ZNF519: variants seen among roughly 807,000 people sequenced by gnomAD.
ZNF519 encodes zinc finger protein 519, also known as similar to Zinc finger protein 85 (Zinc finger protein HPF4) (HTF1).
In ZNF519, 7 loss-of-function variants were observed where a neutral mutation model predicts 7.4. That is an observed-to-expected ratio of 0.94 (90% CI 0.54 to 1.77). The LOEUF is 1.77. ZNF519 is among the 40% of genes most tolerant of loss of function. ZNF519 has a pLI of 0.00. For synonymous variants in ZNF519, 179 were observed against 203.3 expected (o/e 0.88, Z 1.02); for missense variants, 586 against 623.1 (o/e 0.94, Z 0.63).
chr18:14,111,453 G>A (rs1474949532), intron 2 of ZNF519, among the ~76,000 whole-genome samples: 2 of 146,132 alleles, frequency 1.4e-5, no homozygotes, highest in African/African-American at 5.1e-5. Context: ...GTTGCAGTGA[G>A]CCAAGATCAA....
chr18:14,101,924 T>C lies in ZNF519; in HGVS notation c.*2993A>G, dbSNP rs1276113517. The C allele has an allele frequency of 2.5e-6, 1 of 394,648 alleles. No homozygotes were observed. Among genetic ancestry groups the C allele is most frequent in the Non-Finnish European group, 4.5e-6 (1 of 224,308 alleles). 24.4% of individuals were successfully genotyped at this position (394,648 alleles called of 1,614,324 possible). A position where few individuals can be genotyped will look rare whatever the true frequency, so the allele number is the denominator to read the frequency against. ...CCCTCTACTTTTTCTCCTAAATGCATGAAAGGCAGAGCTTTTCAACATGAA... is the reference window on the plus strand; with the variant it reads ...CCCTCTACTTTTTCTCCTAAATGCACGAAAGGCAGAGCTTTTCAACATGAA... On this transcript the variant is annotated 3_prime_UTR_variant, in exon 3 of 3. Transcript: ENST00000590202.
rs768899440 is a variant in ZNF519 at position 14,103,795 on chromosome 18, A to T, written c.*1122T>A. On this transcript the variant is annotated 3_prime_UTR_variant, in exon 3 of 3. Coordinates refer to ENST00000590202, the MANE Select transcript of ZNF519 (RefSeq NM_145287.4). The stretch of plus-strand genomic sequence containing the variant: ...TATATCATTACCATTTACTACCTGG[A>T]ATCTTGAGCAAGGTGGAATAAGTTA... 2 of 152,152 alleles carry T rather than the reference A, an allele frequency of 1.3e-5. No homozygotes were observed. Among genetic ancestry groups the T allele is most frequent in the Non-Finnish European group, 2.9e-5 (2 of 67,982 alleles). 9.4% of individuals were successfully genotyped at this position (152,152 alleles called of 1,614,324 possible). A position where few individuals can be genotyped will look rare whatever the true frequency, so the allele number is the denominator to read the frequency against.
At chr18:14,098,080 C>T (rs577551205), downstream of ZNF519, among the ~76,000 whole-genome samples, 21 of 152,126 alleles carry the variant, frequency 1.4e-4, no homozygotes, top group South Asian at 4.4e-3. Flanking sequence ...AGACCTGACC[C>T]CTATGGTCTC....
At position 14,105,605 on chromosome 18, in the gene ZNF519, C is replaced by A; in HGVS notation, c.935G>T (p.Arg312Ile). 6.2e-7 allele frequency: 1 copy of A among 1,613,932 alleles called. No homozygotes were observed. Among genetic ancestry groups the A allele is most frequent in the East Asian group, 2.2e-5 (1 of 44,880 alleles). The change falls in exon 3 of 3, where the codon AGA becomes ATA. Residue 312 changes from arginine to isoleucine, a missense_variant. Arg to Ile is a moderately conservative substitution (Grantham distance 97). Transcript: ENST00000590202. The stretch of plus-strand genomic sequence containing the variant: ...GAAAGGCTTCTCTCCAGTATGGATT[C>A]TCTGATGTTGAGCAAGGTGTGAACT... The part of the protein sequence containing the change: ...NKSSHLAQHQ[R>I]IHTGEKPFKC...
chr18:14,071,821 A>G (rs1243531233), downstream of ZNF519: 1 of 152,192 alleles, frequency 6.6e-6, no homozygotes, highest in East Asian at 1.9e-4. Flanking sequence ...TTATGGTGAA[A>G]TCAACAATAA....
chr18:14,129,275 G>A (rs1466041172), intron 1 of ZNF519, among the ~76,000 whole-genome samples: 2 of 152,192 alleles, frequency 1.3e-5, no homozygotes, highest in Non-Finnish European at 2.9e-5. Context: ...ACCTGTGTAT[G>A]TTCTTGGCAG....
intron 2 of ZNF519, among the ~76,000 whole-genome samples, chr18:14,112,760 G>C (rs1348429833): frequency 6.6e-6 from 1 of 152,066 alleles, no homozygotes; most frequent in Non-Finnish European, 1.5e-5. Flanking sequence ...ATAAAACATT[G>C]ATGCAAGAAA....
intron 2 of ZNF519, 172 bp downstream of exon 2, chr18:14,124,177 TA>T (rs199578474): frequency 0.19 from 72,661 of 388,660 alleles, 2 homozygotes; most frequent in South Asian, 0.25. Context: ...CTGTCTCAAT[TA>T]AAAAAAAAAA....
chr18:14,111,146 C>A, intron 2 of ZNF519, among the ~76,000 whole-genome samples: 1 of 90,976 alleles, frequency 1.1e-5, no homozygotes, highest in Admixed American at 1.2e-4. Context: ...TACAAAAGGT[C>A]AATAAAATGC....
chr18:14,111,659 G>A (rs1989929693), intron 2 of ZNF519, among the ~76,000 whole-genome samples: 1 of 152,020 alleles, frequency 6.6e-6, no homozygotes, highest in Admixed American at 6.6e-5. Flanking sequence ...TGAGCAGATA[G>A]ATGCCATAAA....
In ZNF519 at chr18:14,105,124, GC is replaced by G; in HGVS notation, c.1415del (p.Gly472AlafsTer65). 1 of 1,613,234 alleles carries G rather than the reference GC, an allele frequency of 6.2e-7. No homozygotes were observed. Among genetic ancestry groups the G allele is most frequent in the Middle Eastern group, 1.7e-4 (1 of 6,056 alleles). Reference protein sequence around the residue: ...CEECGKAFIWGSHLTQHQRVH... With the variant: ...CEECGKAFIWXSHLTQHQRVH... ...CTCTCTGATGTTGAGTAAGGTGTGA[GC>G]CCCAGATAAAAGCTTTGCCACATTC... On this transcript the variant is annotated frameshift_variant, in exon 3 of 3. Coordinates refer to ENST00000590202, the MANE Select transcript of ZNF519 (RefSeq NM_145287.4). LOFTEE classifies it low-confidence loss of function (END_TRUNC).
intron 3 of ZNF519, among the ~76,000 whole-genome samples, chr18:14,080,568 C>T (rs138699229): frequency 0.016 from 2,387 of 152,216 alleles, 65 homozygotes; most frequent in African/African-American, 0.055. Flanking sequence ...GATGCGCCCG[C>T]CTTGTTCTCC....
intron 2 of ZNF519, among the ~76,000 whole-genome samples, chr18:14,089,264 G>A (rs776984827): frequency 3.5e-4 from 54 of 152,194 alleles, no homozygotes; most frequent in Admixed American, 1.6e-3. Flanking sequence ...TAAGATAAAT[G>A]AAACTAGACT....
downstream of ZNF519, among the ~76,000 whole-genome samples, chr18:14,097,642 G>C (rs950020696): frequency 8.5e-5 from 13 of 152,186 alleles, no homozygotes; most frequent in African/African-American, 2.7e-4. Flanking sequence ...AAGGGGCTTG[G>C]ATGTACAGAT....
intron 2 of ZNF519, among the ~76,000 whole-genome samples, chr18:14,108,029 C>T (rs778661091): frequency 3.9e-5 from 6 of 152,180 alleles, no homozygotes; most frequent in African/African-American, 7.2e-5. Context: ...GGATACAACG[C>T]TGGCAAGCCC....
Position 14,102,241 on chromosome 18 carries a change from C to G in ZNF519, c.*2676G>C, listed in dbSNP as rs1598514249. On this transcript the variant is annotated 3_prime_UTR_variant, in exon 3 of 3. Coordinates refer to ENST00000590202, the MANE Select transcript of ZNF519 (RefSeq NM_145287.4). ...GCAGTGCAGTGACATGATCTTGGCT[C>G]ACTGCAACCTCCACCTCTCAGGTTT... The G allele has an allele frequency of 6.6e-6, 1 of 152,078 alleles. No individual in the cohort carries two copies. Among genetic ancestry groups the G allele is most frequent in the East Asian group, 1.9e-4 (1 of 5,186 alleles). 9.4% of individuals were successfully genotyped at this position (152,078 alleles called of 1,614,324 possible). A position where few individuals can be genotyped will look rare whatever the true frequency, so the allele number is the denominator to read the frequency against.
At chr18:14,096,437 C>A (rs1244280013), downstream of ZNF519, among the ~76,000 whole-genome samples, 1 of 152,202 alleles carries the variant, frequency 6.6e-6, no homozygotes. Flanking sequence ...TTGCTTCATT[C>A]CCTCGTGTAT....
intron 3 of ZNF519, chr18:14,082,985 C>T (rs1022469501): frequency 6.6e-6 from 1 of 152,236 alleles, no homozygotes; most frequent in Non-Finnish European, 1.5e-5. Context: ...GTTTTGATCT[C>T]TTGATGGTTA....
rs973818724 is a variant in ZNF519, at chr18:14,102,964, G to A, written c.*1953C>T. 6.6e-6 allele frequency: 1 copy of A among 151,824 alleles called. No individual in the cohort carries two copies. The highest frequency in any genetic ancestry group is 1.5e-5 in the Non-Finnish European group (1 of 67,940). The allele number at this position is 151,824 out of a possible 1,614,324, so 9.4% of individuals were successfully genotyped here. On this transcript the variant is annotated 3_prime_UTR_variant, in exon 3 of 3. Transcript: ENST00000590202. ...TATAAATTAAAAGATTATATGGAAAGTAATAAGAAAGCAGTAAAGGAAGAA... is the reference window on the plus strand; with the variant it reads ...TATAAATTAAAAGATTATATGGAAAATAATAAGAAAGCAGTAAAGGAAGAA...
Sources: gnomAD v4.1 joint callset for allele counts (sites outside exome capture counted in the v4.1 genomes callset) on GRCh38, gnomAD v4.1.1 for gene constraint, MANE v1.5 for transcripts, NCBI Gene and HGNC (gene_info 2026-07-23, HGNC 2026-07-21) for gene names.